Variants in PARP10 observed in about 807,000 individuals in gnomAD.
PARP10 encodes protein mono-ADP-ribosyltransferase PARP10.
In PARP10, 56 loss-of-function variants were observed where a neutral mutation model predicts 82.4. That is an observed-to-expected ratio of 0.68 (90% CI 0.55 to 0.85). The LOEUF is 0.85. Ranked by LOEUF, PARP10 falls within the 40% of genes least tolerant of loss-of-function variation. The probability of loss-of-function intolerance (pLI) is 0.00; values close to 1 mark genes in which losing one functional copy is unlikely to be tolerated. For synonymous variants in PARP10, 576 were observed against 601.1 expected (o/e 0.96, Z 0.61); for missense variants, 1,227 against 1,379.4 (o/e 0.89, Z 1.75).
At position 143,983,466 on chromosome 8, in the gene PARP10, TG is replaced by T; in HGVS notation, c.2122del (p.Gln708SerfsTer53). On this transcript the variant is annotated frameshift_variant, in exon 8 of 11. Transcript: ENST00000313028. LOFTEE classifies it high-confidence loss of function. ...PPDGGTDGKAQLVVHSAFEQD... is the reference protein window; with the variant it reads ...PPDGGTDGKAXLVVHSAFEQD... ...CTCAAAGGCCGAGTGCACCACCAGCTGGGCCTTGCCATCAGTCCCCCCATCT... is the reference window on the plus strand; with the variant it reads ...CTCAAAGGCCGAGTGCACCACCAGCTGGCCTTGCCATCAGTCCCCCCATCT... The T allele has an allele frequency of 6.2e-7, 1 of 1,607,012 alleles. No individual in the cohort carries two copies.
At chr8:143,991,696 C>A, upstream of PARP10, 1 of 1,611,522 alleles carries the variant, frequency 6.2e-7, no homozygotes. Flanking sequence ...TCTCAGCACC[C>A]CAGCATGGAA....
intron 9 of PARP10, among the ~76,000 whole-genome samples, chr8:143,982,574 G>T (rs879980553): frequency 6.6e-6 from 1 of 152,234 alleles, no homozygotes; most frequent in African/African-American, 2.4e-5. Context: ...CACAAGGGAC[G>T]CATCTGTGGA....
At position 143,977,489 on chromosome 8, in the gene PARP10, T is replaced by G; in HGVS notation, c.3073A>C (p.Thr1025Pro). 1 of 1,546,874 alleles carries G rather than the reference T, an allele frequency of 6.5e-7. No homozygotes were observed. The highest frequency in any genetic ancestry group is 1.2e-5 in the South Asian group (1 of 83,562). ...CCAGAGGGTGGCCCCTTCGGTTAAG[T>G]GTCTGGGGAGCGGCCCGGGAGCCCA... is the stretch of plus-strand genomic sequence containing the variant. Reference protein sequence around the residue: ...PSGLPGRSPDT With the variant: ...PSGLPGRSPDP The change falls in exon 11 of 11, where the codon ACT becomes CCT. Residue 1025 changes from threonine (T) to proline (P), a missense_variant. Physicochemically the swap from Thr to Pro is conservative, Grantham distance 38. Coordinates refer to ENST00000313028, the MANE Select transcript of PARP10 (RefSeq NM_032789.5).
chr8:143,982,872 G>A, intron 9 of PARP10, 60 bp downstream of exon 9: 1 of 1,593,492 alleles, frequency 6.3e-7, no homozygotes, highest in Non-Finnish European at 8.5e-7. Flanking sequence ...ACTTGGCAAG[G>A]CGCTAATGGT....
chr8:143,979,559 G>C (rs782319997), intron 9 of PARP10, among the ~76,000 whole-genome samples: 1 of 152,224 alleles, frequency 6.6e-6, no homozygotes, highest in Non-Finnish European at 1.5e-5. Flanking sequence ...GAACATGGAA[G>C]TTCATACCAA....
upstream of PARP10, chr8:143,993,196 C>T: frequency 3.4e-6 from 1 of 293,760 alleles, no homozygotes; most frequent in Non-Finnish European, 6.6e-6. Flanking sequence ...GGTGAGGGTG[C>T]ACGTCTTCCC....
intron 1 of PARP10, among the ~76,000 whole-genome samples, chr8:144,002,455 G>T (rs1554751753): frequency 6.6e-6 from 1 of 152,062 alleles, no homozygotes; most frequent in East Asian, 1.9e-4. Flanking sequence ...AAAAGAACAG[G>T]AATACACAAA....
At chr8:143,995,278 T>C (rs1834156441), upstream of PARP10, among the ~76,000 whole-genome samples, 1 of 152,056 alleles carries the variant, frequency 6.6e-6, no homozygotes, top group South Asian at 2.1e-4. Flanking sequence ...GGGGAAGTCA[T>C]GGGGCTGTGA....
upstream of PARP10, chr8:143,991,105 C>T (rs940870828): frequency 1.5e-6 from 1 of 664,850 alleles, no homozygotes; most frequent in Admixed American, 2.8e-5. Flanking sequence ...CTTGCTTCCC[C>T]CTGGGTTCCC....
chr8:144,010,858 C>G (rs1834274802), intron 1 of PARP10, among the ~76,000 whole-genome samples: 1 of 151,884 alleles, frequency 6.6e-6, no homozygotes, highest in South Asian at 2.1e-4. Flanking sequence ...GCATTGCAGC[C>G]TGGGCAACAG....
chr8:143,992,577 A>G, upstream of PARP10: 1 of 1,614,158 alleles, frequency 6.2e-7, no homozygotes, highest in Non-Finnish European at 8.5e-7. Context: ...GAGATCGTGT[A>G]CGCCTCACTG....
chr8:144,010,042 A>G (rs1834263270), intron 1 of PARP10, among the ~76,000 whole-genome samples: 1 of 151,984 alleles, frequency 6.6e-6, no homozygotes, highest in Non-Finnish European at 1.5e-5. Flanking sequence ...CCCTGTCCCA[A>G]CCTGGGCCCT....
chr8:143,992,634 G>A (rs782164474), upstream of PARP10: 2 of 1,614,078 alleles, frequency 1.2e-6, no homozygotes, highest in Non-Finnish European at 8.5e-7. Flanking sequence ...CCTTGGCCGG[G>A]GGCGGGATGC....
At chr8:144,006,250 G>C (rs1320259847) in intron 1 of PARP10, among the ~76,000 whole-genome samples, 1 of 152,262 alleles carries the variant, frequency 6.6e-6, no homozygotes, top group Non-Finnish European at 1.5e-5. Flanking sequence ...AAGAGAAAGT[G>C]TGTTAAGCTT....
chr8:143,991,369 C>A, upstream of PARP10: 2 of 1,216,412 alleles, frequency 1.6e-6, no homozygotes, highest in Non-Finnish European at 1.1e-6. Flanking sequence ...CCTTTCCAGC[C>A]CTCCCCCTAC....
At chr8:143,983,129 C>G in intron 8 of PARP10, 38 bp downstream of exon 8, 1 of 1,612,018 alleles carries the variant, frequency 6.2e-7, no homozygotes, top group Non-Finnish European at 8.5e-7. Flanking sequence ...TGCTAACCAG[C>G]CCACCCCACC....
At position 143,984,287 on chromosome 8, in the gene PARP10, C is replaced by A. The variant is rs1554748580; in HGVS notation, c.1603G>T (p.Gly535Trp). The change falls in exon 6 of 11, where the codon GGG (glycine) becomes TGG (tryptophan). Residue 535 changes from glycine (G) to tryptophan (W), a missense_variant. Gly to Trp is a radical substitution (Grantham distance 184, BLOSUM62 -2). Transcript: ENST00000313028. ...ACACACTGGAACTGAGCCTCCAGCC[C>A]CTGGAGAAGGTGCTGCCCTTCTGGG... ...LGPEGQHLLQ[G>W]LEAQFQCVFG... is the part of the protein sequence containing the mutation. 1 of 1,614,058 alleles carries A rather than the reference C, an allele frequency of 6.2e-7. No homozygotes were observed.
At chr8:143,996,689 G>A (rs782565061) in intron 1 of PARP10, among the ~76,000 whole-genome samples, 6 of 152,178 alleles carry the variant, frequency 3.9e-5, no homozygotes, top group East Asian at 1.9e-4. Context: ...CCCAGAGGAC[G>A]CCATAATCTG....
At position 143,984,893 on chromosome 8, in the gene PARP10, A is replaced by G. The variant is rs1554748839; in HGVS notation, c.1109T>C (p.Leu370Ser). The G allele has an allele frequency of 1.2e-6, 2 of 1,613,816 alleles. No individual in the cohort carries two copies. The highest frequency in any genetic ancestry group is 4.5e-5 in the East Asian group (2 of 44,872). Reference sequence around the variant, plus strand: ...GCTCATGGGCCCCTCCTGTTCCTGCAACCCCACAGGCCTCAGGCTTACCAG... The same window carrying G: ...GCTCATGGGCCCCTCCTGTTCCTGCGACCCCACAGGCCTCAGGCTTACCAG... ...EGLVSLRPVG[L>S]QEQEGPMSLG... Residue 370 changes from leucine (L) to serine (S), a missense_variant, in exon 5 of 11, where the codon TTG becomes TCG. By Grantham distance (145) the Leu-to-Ser change is moderately radical (BLOSUM62 -2). Coordinates refer to ENST00000313028, the MANE Select transcript of PARP10 (RefSeq NM_032789.5).
Sources: gnomAD v4.1 joint callset for allele counts (sites outside exome capture counted in the v4.1 genomes callset) on GRCh38, gnomAD v4.1.1 for gene constraint, MANE v1.5 for transcripts, NCBI Gene and HGNC (gene_info 2026-07-23, HGNC 2026-07-21) for gene names.